The following JCAD variants were observed in gnomAD, a reference collection of about 807,000 sequenced individuals.
JCAD encodes junctional cadherin 5-associated protein.
JCAD carries 40 observed loss-of-function variants against 98.0 expected under a neutral mutation model. The ratio of observed to expected loss-of-function variants is 0.41; its 90% confidence interval spans 0.32 to 0.53. The LOEUF is 0.53. Among genes scored for constraint, JCAD ranks in the 20% least tolerant of loss-of-function variants. JCAD has a pLI of 0.31. For synonymous variants in JCAD, 691 were observed against 682.3 expected, an observed-to-expected ratio of 1.01 and a Z score of -0.20; for missense variants, 1,705 against 1,738.1, an observed-to-expected ratio of 0.98 and a Z score of 0.34.
intron 1 of JCAD, among the ~76,000 whole-genome samples, chr10:30,055,181 T>C (rs994652813): frequency 1.2e-4 from 18 of 152,194 alleles, no homozygotes; most frequent in African/African-American, 4.3e-4. Flanking sequence ...CAACCAGCAT[T>C]CTAAAAAGGT....
intron 1 of JCAD, among the ~76,000 whole-genome samples, chr10:30,089,653 A>G (rs1443059760): frequency 1.3e-5 from 2 of 152,132 alleles, no homozygotes; most frequent in African/African-American, 2.4e-5. Flanking sequence ...TAATTGCTTC[A>G]TAGAATACAG....
rs200076780 is a variant in JCAD, at chr10:30,028,893, C to T, written c.1255G>A (p.Gly419Ser). 2.9e-4 allele frequency: 475 copies of T among 1,614,150 alleles called. 3 individuals are homozygous for T. In the African/African-American group the frequency reaches 5.5e-3, roughly 19 times the overall value. The change falls in exon 3 of 4, where the codon GGC (glycine) becomes AGC (serine). Residue 419 changes from glycine (G) to serine (S), a missense_variant. Around this residue, in one of 3 missense-constraint regions of JCAD, gnomAD observed 1,278 missense variants for 1,243.1 expected, o/e 1.03. Transcript: ENST00000375377. ...TCAAAGGGAATGTACTGAACGAAGC[C>T]GTCATAGGCAGTGACAGGTCGGGGA... ...AHPRPVTAYD[G>S]FVQYIPFDDP...
In JCAD at chr10:30,038,596, G is replaced by A. The variant is rs140272447; in HGVS notation, c.282-8730C>T. ...TCCTAGCTACTCGAGATGAGCGGGA[G>A]GATTGCTTGAGCCTGGGAGGTCAAG... On this transcript the variant is annotated intron_variant, in intron 2 of 3. Transcript: ENST00000375377. 2.3e-3 allele frequency among the ~76,000 whole-genome samples: 342 copies of A among 151,534 alleles called. 1 individual carries two copies. Among genetic ancestry groups the A allele is most frequent in the African/African-American group, 7.7e-3 (318 of 41,272 alleles).
chr10:30,020,230 G>A (rs1836632277), intron 3 of JCAD, among the ~76,000 whole-genome samples: 1 of 150,314 alleles, frequency 6.7e-6, no homozygotes, highest in Admixed American at 6.7e-5. Flanking sequence ...GGGAGGCTGA[G>A]GCACGAGAAT....
In JCAD at chr10:30,029,690, G is replaced by T. The variant is rs1296336366; in HGVS notation, c.458C>A (p.Pro153Gln). The T allele has an allele frequency of 1.2e-6, 2 of 1,614,186 alleles. No homozygotes were observed. The highest frequency in any genetic ancestry group is 3.3e-5 in the Admixed American group (2 of 60,016). The change falls in exon 3 of 4, where the codon CCA (proline) becomes CAA (glutamine). Residue 153 changes from proline to glutamine, a missense_variant. Transcript: ENST00000375377. The part of the protein sequence containing the change: ...HSLPVHVREG[P>Q]WEVGGRSEHV... ...CTCTGACCTTCCTCCAACTTCCCAT[G>T]GACCCTCCCTCACGTGGACAGGCAG...
chr10:30,079,915 A>G (rs1589709372), intron 1 of JCAD, among the ~76,000 whole-genome samples: 1 of 152,302 alleles, frequency 6.6e-6, no homozygotes, highest in East Asian at 1.9e-4. Flanking sequence ...CCTAATCATC[A>G]TTATTCATCA....
At chr10:30,094,158 C>G (rs1838330851) in intron 1 of JCAD, among the ~76,000 whole-genome samples, 1 of 152,092 alleles carries the variant, frequency 6.6e-6, no homozygotes, top group Non-Finnish European at 1.5e-5. Flanking sequence ...TCATCAACAG[C>G]AGACTGGGCA....
intron 2 of JCAD, among the ~76,000 whole-genome samples, chr10:30,067,169 C>CAAA (rs1382726512): frequency 4.1e-5 from 5 of 123,270 alleles, no homozygotes; most frequent in African/African-American, 5.9e-5. Context: ...GACCCTGTCT[C>CAAA]AAAAAAAAAA....
chr10:30,040,304 T>C (rs1012288365), intron 2 of JCAD, among the ~76,000 whole-genome samples: 1 of 152,226 alleles, frequency 6.6e-6, no homozygotes, highest in African/African-American at 2.4e-5. Context: ...TTTCATTTAT[T>C]AAAACAAGGC....
intron 2 of JCAD, among the ~76,000 whole-genome samples, chr10:30,042,783 C>G (rs1457859051): frequency 6.6e-6 from 1 of 152,136 alleles, no homozygotes; most frequent in African/African-American, 2.4e-5. Flanking sequence ...TACAACGACC[C>G]CTCCCTTTCC....
At chr10:30,099,853 C>G (rs1838439678) in intron 1 of JCAD, among the ~76,000 whole-genome samples, 1 of 152,082 alleles carries the variant, frequency 6.6e-6, no homozygotes, top group Admixed American at 6.6e-5. Context: ...TCATTTCAAT[C>G]ACTTGCTCCA....
chr10:30,097,252 G>T (rs1838384612), intron 1 of JCAD, among the ~76,000 whole-genome samples: 1 of 152,028 alleles, frequency 6.6e-6, no homozygotes, highest in Non-Finnish European at 1.5e-5. Flanking sequence ...GCCACATGTG[G>T]CTAGTGGCCA....
At chr10:30,053,830 AGGTGGGCAGAC>A (rs1837516546) in intron 1 of JCAD, among the ~76,000 whole-genome samples, 2 of 152,094 alleles carry the variant, frequency 1.3e-5, no homozygotes, top group African/African-American at 4.8e-5. Context: ...TGCGAGGCTG[AGGTGGGCAGAC>A]CACCCGAGGT....
intron 1 of JCAD, among the ~76,000 whole-genome samples, chr10:30,099,988 C>A (rs989851936): frequency 1.4e-4 from 21 of 152,172 alleles, no homozygotes; most frequent in African/African-American, 5.1e-4. Context: ...CCCAGTCACT[C>A]TCTTTAAATT....
chr10:30,099,369 T>G (rs1838431705), intron 1 of JCAD, among the ~76,000 whole-genome samples: 1 of 152,220 alleles, frequency 6.6e-6, no homozygotes, highest in Non-Finnish European at 1.5e-5. Flanking sequence ...CAAGTCATTA[T>G]GCCTCAGACT....
chr10:30,031,751 T>C (rs1185168637), intron 2 of JCAD, among the ~76,000 whole-genome samples: 180 of 40,350 alleles, frequency 4.5e-3, no homozygotes, highest in African/African-American at 0.023. Flanking sequence ...CCCATCTGTA[T>C]TTTTTTTTTT....
chr10:30,052,406 G>A (rs1162071489), intron 1 of JCAD, among the ~76,000 whole-genome samples: 1 of 152,180 alleles, frequency 6.6e-6, no homozygotes, highest in Non-Finnish European at 1.5e-5. Flanking sequence ...TCTCGCCTGT[G>A]ATGAGCAGCA....
At chr10:30,035,794 G>A (rs1837095318) in intron 2 of JCAD, among the ~76,000 whole-genome samples, 1 of 152,200 alleles carries the variant, frequency 6.6e-6, no homozygotes, top group Non-Finnish European at 1.5e-5. Flanking sequence ...AAAGTGGAAT[G>A]TGATCGCCCA....
intron 2 of JCAD, among the ~76,000 whole-genome samples, chr10:30,068,352 C>G (rs936273760): frequency 7.5e-6 from 1 of 132,492 alleles, no homozygotes; most frequent in African/African-American, 3.0e-5. Flanking sequence ...GATTGTGCCA[C>G]TTCACTCCAG....
Sources: allele counts gnomAD v4.1 joint callset (sites outside exome capture counted in the v4.1 genomes callset), GRCh38; gene constraint gnomAD v4.1.1; regional missense constraint gnomAD v4.1.1; transcripts MANE v1.5; gene names NCBI Gene and HGNC (gene_info 2026-07-23, HGNC 2026-07-21).